The following CACNB2 variants were observed in gnomAD, a reference collection of about 807,000 sequenced individuals.
The protein encoded by CACNB2 is calcium voltage-gated channel auxiliary subunit beta 2.
In CACNB2, 42 loss-of-function variants were observed where a neutral mutation model predicts 73.3. That is an observed-to-expected ratio of 0.57 (90% CI 0.45 to 0.74). The LOEUF (loss-of-function observed/expected upper bound fraction) is 0.74. Among genes scored for constraint, CACNB2 ranks in the 30% least tolerant of loss-of-function variants. The pLI, the probability that CACNB2 is intolerant of heterozygous loss-of-function variation, is 0.00. For synonymous variants in CACNB2, 348 were observed against 310.3 expected (o/e 1.12, Z -1.28); for missense variants, 940 against 853.0 (o/e 1.10, Z -1.27).
rs113417679 is a variant in CACNB2, at chr10:18,513,413, G to C, written c.671-823G>C. 1,376 of 188,894 alleles carry C rather than the reference G, an allele frequency of 7.3e-3. 26 individuals carry two copies. The highest frequency in any genetic ancestry group is 0.03 in the African/African-American group (1,257 of 42,582). 11.7% of individuals were successfully genotyped at this position (188,894 alleles called of 1,614,324 possible). On this transcript the variant is annotated intron_variant, in intron 6 of 13. Transcript: ENST00000324631. Reference sequence around the variant, plus strand: ...TTCTCGTGTAGTTGTAAGAGAATCAGCTTTGATTATTGTTCTTGAGTAGTC... The same window carrying C: ...TTCTCGTGTAGTTGTAAGAGAATCACCTTTGATTATTGTTCTTGAGTAGTC...
At chr10:18,500,660 T>C (rs183600072) in intron 4 of CACNB2, 152 bp from the exon 5 acceptor site, 2 of 792,224 alleles carry the variant, frequency 2.5e-6, no homozygotes, top group East Asian at 5.3e-5. Flanking sequence ...TTCTTACATG[T>C]GAAACCCATG....
At chr10:18,188,644 T>C (rs577899975) in intron 2 of CACNB2, among the ~76,000 whole-genome samples, 37 of 152,264 alleles carry the variant, frequency 2.4e-4, no homozygotes, top group African/African-American at 7.7e-4. Flanking sequence ...ATTATGAAAA[T>C]AGTATATGCT....
chr10:18,222,697 G>A (rs1426162030), intron 2 of CACNB2, among the ~76,000 whole-genome samples: 1 of 152,184 alleles, frequency 6.6e-6, no homozygotes, highest in African/African-American at 2.4e-5. Flanking sequence ...AGCACTTTGG[G>A]AGGCCGAGGT....
intron 2 of CACNB2, among the ~76,000 whole-genome samples, chr10:18,365,295 C>T (rs1204281734): frequency 6.6e-6 from 1 of 152,176 alleles, no homozygotes; most frequent in African/African-American, 2.4e-5. Flanking sequence ...CCCCTCTGGC[C>T]TTGACATTCT....
At chr10:18,257,530 T>C (rs1488062123) in intron 2 of CACNB2, among the ~76,000 whole-genome samples, 1 of 152,160 alleles carries the variant, frequency 6.6e-6, no homozygotes, top group Non-Finnish European at 1.5e-5. Flanking sequence ...ACACAATTTG[T>C]TCTGTGTATG....
intron 10 of CACNB2, among the ~76,000 whole-genome samples, chr10:18,532,421 G>A (rs544806757): frequency 1.3e-5 from 2 of 151,948 alleles, no homozygotes. Flanking sequence ...CGCCTGTAAT[G>A]CCAGCACTTT....
At chr10:18,411,632 C>T (rs573160342) in intron 3 of CACNB2, among the ~76,000 whole-genome samples, 34 of 151,852 alleles carry the variant, frequency 2.2e-4, no homozygotes, top group Admixed American at 1.6e-3. Context: ...CCTCAGCCTC[C>T]GGAGTAGCTG....
At chr10:18,265,269 A>G (rs2037744686) in intron 2 of CACNB2, among the ~76,000 whole-genome samples, 1 of 149,760 alleles carries the variant, frequency 6.7e-6, no homozygotes, top group African/African-American at 2.5e-5. Flanking sequence ...CCTCCTGACT[A>G]CAAGTGCCCG....
chr10:18,387,988 C>A (rs1382714089), intron 2 of CACNB2, among the ~76,000 whole-genome samples: 4 of 152,114 alleles, frequency 2.6e-5, no homozygotes, highest in Non-Finnish European at 4.4e-5. Context: ...AACTGCCGAG[C>A]TCAAGCAATC....
chr10:18,145,495 A>G (rs535923099), intron 1 of CACNB2, among the ~76,000 whole-genome samples: 1 of 152,182 alleles, frequency 6.6e-6, no homozygotes, highest in African/African-American at 2.4e-5. Context: ...AATTTGAAAT[A>G]TATCTGAGTG....
At chr10:18,522,563 T>C (rs2133193105) in intron 9 of CACNB2, among the ~76,000 whole-genome samples, 1 of 152,238 alleles carries the variant, frequency 6.6e-6, no homozygotes, top group South Asian at 2.1e-4. Flanking sequence ...GAAAGTTTTA[T>C]AGGAGGACAA....
Position 18,260,962 on chromosome 10 carries a change from A to G in CACNB2, c.213+109987A>G, listed in dbSNP as rs1025284817. On this transcript the variant is annotated intron_variant, in intron 2 of 13. Transcript: ENST00000324631. ...GGACAGTCCTAACTCTGTGTTAGCA[A>G]TACTTACTTCCGGAAAATTAATGCT... 51 of 1,305,536 alleles carry G rather than the reference A, an allele frequency of 3.9e-5. No individual in the cohort carries two copies. Among genetic ancestry groups the G allele is most frequent in the Middle Eastern group, 6.2e-4 (2 of 3,226 alleles). The allele number at this position is 1,305,536 out of a possible 1,614,324, so 80.9% of individuals were successfully genotyped here. A position where few individuals can be genotyped will look rare whatever the true frequency, so the allele number is the denominator to read the frequency against.
chr10:18,416,975 C>G (rs1212974342), intron 3 of CACNB2, among the ~76,000 whole-genome samples: 2 of 148,134 alleles, frequency 1.4e-5, no homozygotes, highest in Non-Finnish European at 3.0e-5. Context: ...AATGTTCTTT[C>G]ACCTCATCAA....
intron 9 of CACNB2, chr10:18,520,015 C>T (rs2051691393): frequency 3.4e-6 from 1 of 290,492 alleles, no homozygotes; most frequent in Admixed American, 5.1e-5. Context: ...GCTGATACTT[C>T]CTCATCAACT....
Position 18,518,404 on chromosome 10 carries a change from G to T in CACNB2, c.873G>T (p.Leu291=). The T allele has an allele frequency of 6.2e-7, 1 of 1,609,396 alleles. No homozygotes were observed. Among genetic ancestry groups the T allele is most frequent in the Admixed American group, 1.7e-5 (1 of 60,014 alleles). ...MRPVVLVGPS[L]KGYEVTDMMQ... is the part of the protein sequence containing the mutation. ...CAGTGGTCCTAGTGGGCCCTTCTCT[G>T]AAGGGCTACGAGGTGGGTAGCAGCC... The change falls in exon 8 of 14, where the codon CTG becomes CTT. Residue 291 remains leucine, a synonymous_variant. Coordinates refer to ENST00000324631, the MANE Select transcript of CACNB2 (RefSeq NM_201596.3).
At chr10:18,419,693 C>G (rs2045211614) in intron 3 of CACNB2, among the ~76,000 whole-genome samples, 1 of 152,114 alleles carries the variant, frequency 6.6e-6, no homozygotes, top group East Asian at 1.9e-4. Flanking sequence ...ATATTTAAAA[C>G]AATTTATTAG....
chr10:18,474,731 C>T (rs2048353082), intron 3 of CACNB2, among the ~76,000 whole-genome samples: 1 of 152,084 alleles, frequency 6.6e-6, no homozygotes, highest in South Asian at 2.1e-4. Flanking sequence ...TCTCTACTCT[C>T]CCACTACTCT....
chr10:18,533,842 C>T (rs1298499609), intron 10 of CACNB2, among the ~76,000 whole-genome samples: 1 of 152,162 alleles, frequency 6.6e-6, no homozygotes, highest in South Asian at 2.1e-4. Context: ...AAGTATTATA[C>T]TAAAAGTAAA....
At chr10:18,347,161 GATTTT>G (rs926594971) in intron 2 of CACNB2, among the ~76,000 whole-genome samples, 3 of 151,792 alleles carry the variant, frequency 2.0e-5, no homozygotes, top group African/African-American at 4.8e-5. Flanking sequence ...ACAAGAACAA[GATTTT>G]ATTTTATTTT....
Sources: gnomAD v4.1 joint callset for allele counts (sites outside exome capture counted in the v4.1 genomes callset) on GRCh38, gnomAD v4.1.1 for gene constraint, MANE v1.5 for transcripts, NCBI Gene and HGNC (gene_info 2026-07-23, HGNC 2026-07-21) for gene names.